The following ATRNL1 variants were observed in gnomAD, a reference collection of about 807,000 sequenced individuals.
ATRNL1 encodes attractin-like protein 1.
A neutral mutation model predicts 182.7 loss-of-function variants in ATRNL1; 95 were observed. The ratio of observed to expected loss-of-function variants is 0.52; its 90% CI spans 0.44 to 0.62. ATRNL1 has a LOEUF of 0.62. Among genes scored for constraint, ATRNL1 ranks in the 20% least tolerant of loss-of-function variants. The pLI, the probability that ATRNL1 is intolerant of heterozygous loss-of-function variation, is 0.00. For synonymous variants in ATRNL1, 576 were observed against 568.3 expected, an observed-to-expected ratio of 1.01 and a Z score of -0.19; for missense variants, 1,471 against 1,679.5, an observed-to-expected ratio of 0.88 and a Z score of 2.17.
In ATRNL1 at chr10:115,093,569, C is replaced by T; in HGVS notation, c.-182C>T. 1 of 734,540 alleles carries T rather than the reference C, an allele frequency of 1.4e-6. No individual in the cohort carries two copies. Among genetic ancestry groups the T allele is most frequent in the Non-Finnish European group, 2.4e-6 (1 of 423,874 alleles). 45.5% of individuals were successfully genotyped at this position (734,540 alleles called of 1,614,324 possible). A position where few individuals can be genotyped will look rare whatever the true frequency, so the allele number is the denominator to read the frequency against. On this transcript the variant is annotated 5_prime_UTR_variant, in exon 1 of 29. Transcript: ENST00000355044. The surrounding 1 kb of genome is among the most constrained non-coding windows in gnomAD (Gnocchi z 6.1). The stretch of plus-strand genomic sequence containing the variant: ...GATGCCCGAGTGCGACTGGAGGCAG[C>T]CGAGCGGAGGCGACGGCGGTTGGGA...
chr10:115,492,934 C>T (rs187173809), intron 24 of ATRNL1, among the ~76,000 whole-genome samples: 6 of 152,116 alleles, frequency 3.9e-5, no homozygotes, highest in East Asian at 1.9e-4. Context: ...TGAGTCACCG[C>T]GCCTGGCCTT....
intron 8 of ATRNL1, among the ~76,000 whole-genome samples, chr10:115,193,019 A>G (rs1848227278): frequency 6.6e-6 from 1 of 151,998 alleles, no homozygotes; most frequent in South Asian, 2.1e-4. Context: ...TAAACAAGGA[A>G]AAACTTGATT....
At chr10:115,094,101 T>C (rs558745229) in intron 1 of ATRNL1, 58 bp downstream of exon 1, 26 of 1,297,460 alleles carry the variant, frequency 2.0e-5, no homozygotes, top group South Asian at 8.9e-5. Context: ...GTCGCGGCCT[T>C]CCCCGCCCCC....
Position 115,712,486 on chromosome 10 carries a change from C to T in ATRNL1, c.3796-14762C>T, listed in dbSNP as rs1947089666. Among the ~76,000 whole-genome samples the T allele has an allele frequency of 2.6e-5, 4 of 152,138 alleles. No individual in the cohort carries two copies. In the South Asian group the frequency reaches 8.3e-4, roughly 32 times the overall value. ...ATTCTTGAGCTATGGGTTTAAATCC[C>T]AGTGGGAGAAATCCCTAAGCAAATG... On this transcript the variant is annotated intron_variant, in intron 26 of 28. Transcript: ENST00000355044.
chr10:115,215,618 T>A (rs1849200449), intron 8 of ATRNL1, 79 bp from the exon 9 acceptor site: 2 of 1,071,286 alleles, frequency 1.9e-6, no homozygotes, highest in Non-Finnish European at 2.7e-6. Context: ...TAGAATTAAC[T>A]TGTTGGTATT....
intron 27 of ATRNL1, among the ~76,000 whole-genome samples, chr10:115,755,204 A>G (rs530875078): frequency 3.3e-5 from 5 of 152,190 alleles, no homozygotes; most frequent in African/African-American, 1.2e-4. Flanking sequence ...TTCCAATACT[A>G]TGTTGAAGAG....
intron 28 of ATRNL1, among the ~76,000 whole-genome samples, chr10:115,908,786 C>G (rs1478927389): frequency 6.6e-6 from 1 of 152,174 alleles, no homozygotes; most frequent in Non-Finnish European, 1.5e-5. Flanking sequence ...GCTACTGGTT[C>G]CCTAATGCAC....
chr10:115,345,343 C>T (rs1469655008), intron 19 of ATRNL1, among the ~76,000 whole-genome samples: 2 of 152,280 alleles, frequency 1.3e-5, no homozygotes, highest in South Asian at 2.1e-4. Context: ...AGGCGGGTGT[C>T]CCCTGAGTTT....
intron 26 of ATRNL1, among the ~76,000 whole-genome samples, chr10:115,696,244 G>T (rs1422598251): frequency 6.6e-6 from 1 of 152,176 alleles, no homozygotes; most frequent in Non-Finnish European, 1.5e-5. Context: ...CATTTAGGTT[G>T]ATTCCATGTC....
chr10:115,389,540 GTATATATATATATATATATA>G (rs58155967), intron 19 of ATRNL1, among the ~76,000 whole-genome samples: 875 of 44,504 alleles, frequency 0.02, 58 homozygotes, highest in South Asian at 0.1. Context: ...ATGTGTATGT[GTATATATATATATATATATA>G]TATATATATA....
chr10:115,943,293 A>G (rs1055559971), intron 28 of ATRNL1, among the ~76,000 whole-genome samples: 5 of 152,256 alleles, frequency 3.3e-5, no homozygotes, highest in African/African-American at 1.2e-4. Context: ...ACTGATATCC[A>G]AAATCTTCAA....
intron 27 of ATRNL1, among the ~76,000 whole-genome samples, chr10:115,745,003 A>G (rs1948249300): frequency 6.6e-6 from 1 of 152,162 alleles, no homozygotes; most frequent in African/African-American, 2.4e-5. Context: ...CAGTGACCAC[A>G]CCAATCAAGA....
At chr10:115,470,446 C>G (rs1554971885) in intron 24 of ATRNL1, among the ~76,000 whole-genome samples, 1 of 150,308 alleles carries the variant, frequency 6.7e-6, no homozygotes, top group African/African-American at 2.4e-5. Flanking sequence ...GGATGTGTAA[C>G]TTTATTTCCT....
At chr10:115,180,904 TC>T (rs1222313155) in intron 8 of ATRNL1, among the ~76,000 whole-genome samples, 1 of 151,950 alleles carries the variant, frequency 6.6e-6, no homozygotes, top group African/African-American at 2.4e-5. Context: ...AGGCTTTGTA[TC>T]CTACTAAATT....
intron 10 of ATRNL1, among the ~76,000 whole-genome samples, chr10:115,245,499 CAAAAAAAAA>C (rs35541977): frequency 2.7e-5 from 2 of 72,904 alleles, no homozygotes; most frequent in Non-Finnish European, 5.1e-5. Flanking sequence ...CACTCCGTCT[CAAAAAAAAA>C]AAAAAAAAAA....
intron 26 of ATRNL1, among the ~76,000 whole-genome samples, chr10:115,634,070 A>G (rs2133838331): frequency 6.6e-6 from 1 of 152,250 alleles, no homozygotes; most frequent in Non-Finnish European, 1.5e-5. Context: ...TGTTATATGT[A>G]ACATCTTGAT....
intron 6 of ATRNL1, among the ~76,000 whole-genome samples, chr10:115,161,966 G>C (rs1423430043): frequency 1.3e-5 from 2 of 151,946 alleles, no homozygotes; most frequent in Admixed American, 1.3e-4. Context: ...CTCTGTGTTA[G>C]TGTCTATTAA....
chr10:115,206,674 A>C (rs4752724), intron 8 of ATRNL1, among the ~76,000 whole-genome samples: 32,429 of 152,080 alleles, frequency 0.21, 4,434 homozygotes, highest in Non-Finnish European at 0.3. Flanking sequence ...TATAAATCCA[A>C]ATTCTGTATA....
intron 26 of ATRNL1, among the ~76,000 whole-genome samples, chr10:115,666,846 G>A (rs782668231): frequency 6.6e-6 from 1 of 152,054 alleles, no homozygotes; most frequent in Non-Finnish European, 1.5e-5. Flanking sequence ...AGACTAGTCT[G>A]TAGAACTTTT....
Sources: gnomAD v4.1 joint callset for allele counts (sites outside exome capture counted in the v4.1 genomes callset) on GRCh38, gnomAD v4.1.1 for gene constraint, Gnocchi (gnomAD v3.1) non-coding constraint, MANE v1.5 for transcripts, NCBI Gene and HGNC (gene_info 2026-07-23, HGNC 2026-07-21) for gene names.